Variants in ZNF318 observed in about 807,000 individuals in gnomAD.
ZNF318 encodes endocrine regulator.
A neutral mutation model predicts 124.2 loss-of-function variants in ZNF318; 51 were observed. That is an observed-to-expected ratio of 0.41 (90% CI 0.33 to 0.52). The LOEUF is 0.52. ZNF318 is among the 20% of genes least tolerant of loss of function. The probability of loss-of-function intolerance (pLI) is 0.23; values close to 1 mark genes in which losing one functional copy is unlikely to be tolerated. For synonymous variants in ZNF318, 1,090 were observed against 1,040.7 expected, an observed-to-expected ratio of 1.05 and a Z score of -0.91; for missense variants, 2,815 against 2,811.2, an observed-to-expected ratio of 1.00 and a Z score of -0.03.
Position 43,355,296 on chromosome 6 carries a change from C to T in ZNF318, c.2038G>A (p.Glu680Lys). The change falls in exon 4 of 10, where the codon GAG becomes AAG. Residue 680 changes from glutamate to lysine, a missense_variant. This residue lies in a region of ZNF318 where 1,377 missense variants were observed against 1,353.5 expected (regional missense o/e 1.02). Coordinates refer to ENST00000361428, the MANE Select transcript of ZNF318 (RefSeq NM_014345.3). ...GAGTGGGTATTGCTATGATGTGCCT[C>T]CCTGCTCTCTAGTCTGTGGGGATCT... ...SSDPHRLESR[E>K]AHHSNTHSPE... 6.2e-7 allele frequency: 1 copy of T among 1,614,166 alleles called. No homozygotes were observed. Among genetic ancestry groups the T allele is most frequent in the East Asian group, 2.2e-5 (1 of 44,886 alleles).
chr6:43,357,916 C>A, intron 2 of ZNF318, 151 bp from the exon 3 acceptor site: 1 of 700,464 alleles, frequency 1.4e-6, no homozygotes, highest in Non-Finnish European at 2.3e-6. Flanking sequence ...CTCTCCCTTT[C>A]CCCAGGGGAA....
rs575426685 is a variant in ZNF318 at position 43,348,927 on chromosome 6, G to A, written c.2771-302C>T. ...TGGGCGCCTGTAATTCTATTTACCC[G>A]GGAGGCTGAGGCAGGAGAATTGCTT... On this transcript the variant is annotated intron_variant, in intron 5 of 9. Coordinates refer to ENST00000361428, the MANE Select transcript of ZNF318 (RefSeq NM_014345.3). 2.4e-4 allele frequency among the ~76,000 whole-genome samples: 37 copies of A among 152,248 alleles called. 1 individual carries two copies. The highest frequency in any genetic ancestry group is 3.4e-3 in the Middle Eastern group (1 of 294).
intron 7 of ZNF318, 136 bp downstream of exon 7, chr6:43,342,540 G>A (rs1156245306): frequency 2.2e-6 from 2 of 889,254 alleles, no homozygotes; most frequent in Admixed American, 2.6e-5. Flanking sequence ...CTTTGTTGGT[G>A]TCTCTTGGCT....
At chr6:43,366,862 TTTG>T (rs1422517057) in intron 1 of ZNF318, among the ~76,000 whole-genome samples, 4 of 152,114 alleles carry the variant, frequency 2.6e-5, no homozygotes, top group Non-Finnish European at 5.9e-5. Context: ...TCCTTTTTTT[TTTG>T]TTTTGTTTGA....
At chr6:43,358,414 ATT>A (rs71547834) in intron 2 of ZNF318, among the ~76,000 whole-genome samples, 3 of 124,752 alleles carry the variant, frequency 2.4e-5, no homozygotes, top group Admixed American at 8.7e-5. Context: ...CACCCGGCTA[ATT>A]TTTTTTTTTT....
chr6:43,356,308 C>T (rs555504065), intron 3 of ZNF318, among the ~76,000 whole-genome samples, 163 bp from the exon 4 acceptor site: 106 of 152,150 alleles, frequency 7.0e-4, no homozygotes, highest in African/African-American at 2.4e-3. Flanking sequence ...AATGTGAATC[C>T]CCTTATCTCC....
intron 1 of ZNF318, among the ~76,000 whole-genome samples, chr6:43,366,270 G>A (rs1391412319): frequency 2.6e-5 from 4 of 152,164 alleles, no homozygotes; most frequent in Admixed American, 6.5e-5. Flanking sequence ...AAAAGCGGCC[G>A]GTGTGGCTGC....
At position 43,355,655 on chromosome 6, in the gene ZNF318, C is replaced by G. The variant is rs1779596583; in HGVS notation, c.1679G>C (p.Ser560Thr). The G allele has an allele frequency of 1.9e-6, 3 of 1,614,098 alleles. No individual in the cohort carries two copies. The highest frequency in any genetic ancestry group is 1.7e-6 in the Non-Finnish European group (2 of 1,180,046). The change falls in exon 4 of 10, where the codon AGT becomes ACT. Residue 560 changes from serine (S) to threonine (T), a missense_variant. Ser to Thr is a moderately conservative substitution (Grantham distance 58). Around this residue, in one of 4 missense-constraint regions of ZNF318, gnomAD observed 1,377 missense variants for 1,353.5 expected, o/e 1.02. Transcript: ENST00000361428. ...SVPKPLGSSE[S>T]EVMRQKASSL... ...GCTTGCCTTCTGCCTCATAACTTCA[C>G]TCTCAGAGCTCCCAAGGGGCTTTGG...
At chr6:43,367,205 G>C (rs920955419) in intron 1 of ZNF318, among the ~76,000 whole-genome samples, 1 of 152,068 alleles carries the variant, frequency 6.6e-6, no homozygotes, top group East Asian at 1.9e-4. Context: ...ACATACCATC[G>C]CATTTCTAAC....
Position 43,348,628 on chromosome 6 carries a change from G to A in ZNF318, c.2771-3C>T. On this transcript the variant is annotated splice_region_variant and splice_polypyrimidine_tract_variant and intron_variant, in intron 5 of 9. Coordinates refer to ENST00000361428, the MANE Select transcript of ZNF318 (RefSeq NM_014345.3). ...TCGTTTCTTGCGCAGCATTTCTCCT[G>A]AGCAATCAAATGTCAACAAAAAGAA... The A allele has an allele frequency of 1.9e-6, 3 of 1,609,928 alleles. No individual in the cohort carries two copies. Among genetic ancestry groups the A allele is most frequent in the Non-Finnish European group, 2.5e-6 (3 of 1,177,608 alleles).
chr6:43,343,875 C>A, intron 6 of ZNF318, among the ~76,000 whole-genome samples: 1 of 150,896 alleles, frequency 6.6e-6, no homozygotes, highest in African/African-American at 2.4e-5. Flanking sequence ...TAACATGTAT[C>A]CTTTTTAAAA....
At chr6:43,364,665 T>C (rs1779735774) in intron 2 of ZNF318, among the ~76,000 whole-genome samples, 1 of 152,242 alleles carries the variant, frequency 6.6e-6, no homozygotes. Flanking sequence ...AATGTGATTA[T>C]TTACAATCTA....
chr6:43,342,701 T>C lies in ZNF318; in HGVS notation c.3251A>G (p.His1084Arg), dbSNP rs1779387603. ...CTGTGTGTGCTTCTTATTGTGCATA[T>C]GAGTGAAGAAATCAAACATGGTCCC... The part of the protein sequence containing the change: ...ICGTMFDFFT[H>R]MHNKKHTQTL... The change falls in exon 7 of 10, where the codon CAT becomes CGT. Residue 1084 changes from histidine to arginine, a missense_variant. Physicochemically the swap from His to Arg is conservative, Grantham distance 29 (BLOSUM62 0). Transcript: ENST00000361428. 6.2e-7 allele frequency: 1 copy of C among 1,614,206 alleles called. No individual in the cohort carries two copies. Among genetic ancestry groups the C allele is most frequent in the Non-Finnish European group, 8.5e-7 (1 of 1,180,022 alleles).
At position 43,343,450 on chromosome 6, in the gene ZNF318, CAT is replaced by C. The variant is rs202149538; in HGVS notation, c.3073-573_3073-572del. On this transcript the variant is annotated intron_variant, in intron 6 of 9. Coordinates refer to ENST00000361428, the MANE Select transcript of ZNF318 (RefSeq NM_014345.3). ...AGATAAAGTAGACTATACAACTACA[CAT>C]AGATAAAGTCATCTATGTAGAATGA... Among the ~76,000 whole-genome samples the C allele has an allele frequency of 8.9e-4, 136 of 152,210 alleles. 2 individuals are homozygous for C. In the East Asian group the frequency reaches 0.025, roughly 28 times the overall value.
intron 1 of ZNF318, chr6:43,368,627 G>A (rs1166394325): frequency 6.2e-6 from 6 of 971,732 alleles, no homozygotes; most frequent in East Asian, 1.1e-4. Context: ...GGAACCCCGA[G>A]GACACATCAA....
At chr6:43,363,568 C>A in intron 2 of ZNF318, 1 of 299,020 alleles carries the variant, frequency 3.3e-6, no homozygotes, top group South Asian at 4.7e-5. Flanking sequence ...CCACGGAGCT[C>A]GTGGAGGCAA....
At chr6:43,368,634 T>C (rs1042282107) in intron 1 of ZNF318, 1 of 979,604 alleles carries the variant, frequency 1.0e-6, no homozygotes, top group Non-Finnish European at 1.2e-6. Context: ...CGAGGACACA[T>C]CAACTCTACA....
chr6:43,369,396 T>G lies in ZNF318; in HGVS notation c.-31A>C. The G allele has an allele frequency of 8.3e-7, 1 of 1,201,276 alleles. No homozygotes were observed. The highest frequency in any genetic ancestry group is 1.0e-6 in the Non-Finnish European group (1 of 966,294). The allele number at this position is 1,201,276 out of a possible 1,614,324, so 74.4% of individuals were successfully genotyped here. ...TTGCAGCGGCGGCCACGGCGACAGC[T>G]CTGACCCGGGGGCGCCCTAGACGCA... is the stretch of plus-strand genomic sequence containing the variant. On this transcript the variant is annotated 5_prime_UTR_variant, in exon 1 of 10. Coordinates refer to ENST00000361428, the MANE Select transcript of ZNF318 (RefSeq NM_014345.3).
Position 43,339,331 on chromosome 6 carries a change from C to T in ZNF318, c.4667G>A (p.Arg1556Gln), listed in dbSNP as rs1235863896. The T allele has an allele frequency of 1.2e-6, 2 of 1,614,006 alleles. No individual in the cohort carries two copies. The highest frequency in any genetic ancestry group is 1.3e-5 in the African/African-American group (1 of 74,892). Residue 1556 changes from arginine to glutamine, a missense_variant, in exon 10 of 10, where the codon CGA becomes CAA. By Grantham distance (43) the Arg-to-Gln change is conservative (BLOSUM62 1). This residue lies in a region of ZNF318 where 11 missense variants were observed against 31.9 expected (regional missense o/e 0.35). Coordinates refer to ENST00000361428, the MANE Select transcript of ZNF318 (RefSeq NM_014345.3). This position sits in a 1 kb window ranked among gnomAD's most constrained non-coding sequence, Gnocchi z 4.2. ...ATTGGCTGTGGCTAAGCATGAATTT[C>T]GCTTCTCTAATTTTTTGGCTTGTTC... ...FSEQAKKLEK[R>Q]NSCLATANAK...
Sources: allele counts gnomAD v4.1 joint callset (sites outside exome capture counted in the v4.1 genomes callset), GRCh38; gene constraint gnomAD v4.1.1; regional missense constraint gnomAD v4.1.1; non-coding constraint Gnocchi (gnomAD v3.1); transcripts MANE v1.5; gene names NCBI Gene and HGNC (gene_info 2026-07-23, HGNC 2026-07-21).